Variants in LMAN1L observed in about 807,000 individuals in gnomAD.
LMAN1L encodes lectin, mannose binding 1 like.
In LMAN1L, 60 loss-of-function variants were observed where a neutral mutation model predicts 58.3. The observed-to-expected ratio is 1.03, with a 90% CI of 0.84 to 1.27. The LOEUF (loss-of-function observed/expected upper bound fraction) is 1.27, where lower values mean the gene tolerates loss of function less well. Among genes scored for constraint, LMAN1L ranks in the 50% most tolerant of loss-of-function variants. The pLI is 0.00. For missense variants in LMAN1L, 629 were observed against 674.0 expected (o/e 0.93, Z 0.74); for synonymous variants, 280 against 271.6 (o/e 1.03, Z -0.31).
chr15:74,813,427 G>A (rs548046418), intron 1 of LMAN1L: 14 of 460,120 alleles, frequency 3.0e-5, no homozygotes, highest in African/African-American at 2.8e-4. Flanking sequence ...CAGCGGGCCT[G>A]TGGCTGGCCA....
intron 4 of LMAN1L, 66 bp from the exon 5 acceptor site, chr15:74,818,652 C>A: frequency 8.2e-7 from 1 of 1,217,088 alleles, no homozygotes; most frequent in Non-Finnish European, 1.2e-6. Flanking sequence ...CACAACTGCA[C>A]CACTGCACTC....
Position 74,825,648 on chromosome 15 carries a change from G to T in LMAN1L, c.*43G>T. Reference sequence around the variant, plus strand: ...TTTGCATCACTGGGAAGCAGGCAGTGTCTTGGGTGGGGGCTTGGTCAGTAT... The same window carrying T: ...TTTGCATCACTGGGAAGCAGGCAGTTTCTTGGGTGGGGGCTTGGTCAGTAT... On this transcript the variant is annotated 3_prime_UTR_variant, in exon 14 of 14. Coordinates refer to ENST00000309664, the MANE Select transcript of LMAN1L (RefSeq NM_021819.3). 6.3e-7 allele frequency: 1 copy of T among 1,585,978 alleles called. No homozygotes were observed.
At chr15:74,816,761 G>C in intron 4 of LMAN1L, 71 bp downstream of exon 4, 2 of 1,448,258 alleles carry the variant, frequency 1.4e-6, no homozygotes. Flanking sequence ...CCCCATCCGA[G>C]CCCCTGCCCC....
chr15:74,822,441 T>C (rs1297681451), intron 10 of LMAN1L, among the ~76,000 whole-genome samples: 2 of 152,052 alleles, frequency 1.3e-5, no homozygotes, highest in African/African-American at 2.4e-5. Flanking sequence ...CAACCACCCC[T>C]GGGGAGAGGG....
intron 7 of LMAN1L, chr15:74,820,340 T>C: frequency 1.6e-6 from 1 of 614,310 alleles, no homozygotes; most frequent in South Asian, 1.9e-5. Context: ...TCTCAAAAGG[T>C]GCAGGGGGCT....
In LMAN1L at chr15:74,825,733, C is replaced by A; in HGVS notation, c.*128C>A. The A allele has an allele frequency of 2.3e-6, 2 of 862,306 alleles. No homozygotes were observed. Among genetic ancestry groups the A allele is most frequent in the South Asian group, 1.7e-5 (1 of 59,382 alleles). The allele number at this position is 862,306 out of a possible 1,614,324, so 53.4% of individuals were successfully genotyped here. The stretch of plus-strand genomic sequence containing the variant: ...CTGAGCTTTCGGCATGCTCCCACCT[C>A]GTTAAAGGTGATTTCCCTCTCCCCA... On this transcript the variant is annotated 3_prime_UTR_variant, in exon 14 of 14. Transcript: ENST00000309664.
At position 74,812,859 on chromosome 15, in the gene LMAN1L, C is replaced by T. The variant is rs149573476; in HGVS notation, c.5C>T (p.Pro2Leu). Residue 2 changes from proline to leucine, a missense_variant, in exon 1 of 14, where the codon CCG becomes CTG. Around this residue, in one of 3 missense-constraint regions of LMAN1L, gnomAD observed 573 missense variants for 597.3 expected, o/e 0.96. Transcript: ENST00000309664. M[P>L]AVSGPGPLFC... ...CAGACTTCAGGCGCCTTCACGATGC[C>T]GGCGGTCAGTGGTCCAGGTCCCTTA... The T allele has an allele frequency of 2.9e-5, 47 of 1,595,340 alleles. No homozygotes were observed. Among genetic ancestry groups the T allele is most frequent in the African/African-American group, 4.0e-5 (3 of 74,356 alleles).
intron 10 of LMAN1L, 55 bp downstream of exon 10, chr15:74,821,955 T>C: frequency 7.9e-7 from 1 of 1,259,708 alleles, no homozygotes; most frequent in South Asian, 1.2e-5. Context: ...TGGCTGGTGC[T>C]CTGGGAGAAC....
chr15:74,823,965 G>C lies in LMAN1L; in HGVS notation c.1323+283G>C. 2 of 516,976 alleles carry C rather than the reference G, an allele frequency of 3.9e-6. 1 individual carries two copies. The highest frequency in any genetic ancestry group is 5.1e-5 in the South Asian group (2 of 39,494). The allele number at this position is 516,976 out of a possible 1,614,324, so 32.0% of individuals were successfully genotyped here. A position where few individuals can be genotyped will look rare whatever the true frequency, so the allele number is the denominator to read the frequency against. ...CTCGATCCAATATCCAATGACCAGA[G>C]GGGAAACAGGGTGGGCTGTGTCCAA... On this transcript the variant is annotated intron_variant, in intron 12 of 13. Coordinates refer to ENST00000309664, the MANE Select transcript of LMAN1L (RefSeq NM_021819.3).
At position 74,819,214 on chromosome 15, in the gene LMAN1L, C is replaced by G. The variant is rs778706901; in HGVS notation, c.660C>G (p.Pro220=). 2.8e-5 allele frequency: 46 copies of G among 1,614,064 alleles called. No individual in the cohort carries two copies. The highest frequency in any genetic ancestry group is 3.7e-5 in the Non-Finnish European group (44 of 1,180,032). Residue 220 remains proline (P), a synonymous_variant, in exon 6 of 14, where the codon CCC becomes CCG. Transcript: ENST00000309664. The part of the protein sequence containing the change: ...DPGEFCVDVG[P]LLLVPGGFFG... ...GTGAGTTCTGTGTGGATGTGGGGCCCCTGCTTTTGGTCCCTGGAGGTTTCT... is the reference window on the plus strand; with the variant it reads ...GTGAGTTCTGTGTGGATGTGGGGCCGCTGCTTTTGGTCCCTGGAGGTTTCT...
intron 4 of LMAN1L, among the ~76,000 whole-genome samples, chr15:74,816,936 C>T (rs1262104155): frequency 6.6e-6 from 1 of 152,204 alleles, no homozygotes; most frequent in African/African-American, 2.4e-5. Flanking sequence ...CCCATGATCT[C>T]ATCCCATCTC....
intron 7 of LMAN1L, 82 bp from the exon 8 acceptor site, chr15:74,820,553 G>T: frequency 6.3e-7 from 1 of 1,575,054 alleles, no homozygotes; most frequent in Non-Finnish European, 8.7e-7. Flanking sequence ...GGCTGGGCTC[G>T]TGGGGAAGCC....
chr15:74,816,952 C>A (rs2063894457), intron 4 of LMAN1L, among the ~76,000 whole-genome samples: 1 of 152,206 alleles, frequency 6.6e-6, no homozygotes. Flanking sequence ...ATCTCCAACA[C>A]CCTCCATAAG....
intron 1 of LMAN1L, among the ~76,000 whole-genome samples, chr15:74,815,103 A>G (rs1370754690): frequency 6.6e-6 from 1 of 152,186 alleles, no homozygotes; most frequent in Non-Finnish European, 1.5e-5. Flanking sequence ...CCCAGCCCAG[A>G]GATACCAGGC....
intron 1 of LMAN1L, 181 bp downstream of exon 1, chr15:74,813,210 AC>A (rs2063873808): frequency 7.4e-6 from 5 of 674,256 alleles, no homozygotes; most frequent in Admixed American, 2.2e-5. Context: ...CCGCCTCAAC[AC>A]CCCCCACCCC....
rs989476892 is a variant in LMAN1L at position 74,824,232 on chromosome 15, G to A, written c.1324-119G>A. 4.4e-5 allele frequency: 41 copies of A among 941,350 alleles called. No individual in the cohort carries two copies. In the African/African-American group the frequency reaches 6.1e-4, roughly 14 times the overall value. The allele number at this position is 941,350 out of a possible 1,614,324, so 58.3% of individuals were successfully genotyped here. A position where few individuals can be genotyped will look rare whatever the true frequency, so the allele number is the denominator to read the frequency against. On this transcript the variant is annotated intron_variant, in intron 12 of 13. Coordinates refer to ENST00000309664, the MANE Select transcript of LMAN1L (RefSeq NM_021819.3). ...CCCCCTCTCCAAGTTCCCTGGATGA[G>A]AGCCAGGACGCCCCAAGCCTGGGGA...
chr15:74,814,378 G>GTTTTTTT (rs569247875), intron 1 of LMAN1L, among the ~76,000 whole-genome samples: 1 of 110,578 alleles, frequency 9.0e-6, no homozygotes, highest in East Asian at 2.8e-4. Flanking sequence ...TTTTGTTTTT[G>GTTTTTTT]TTTTTTTTTT....
intron 12 of LMAN1L, 150 bp downstream of exon 12, chr15:74,823,832 T>A: frequency 1.2e-6 from 1 of 805,472 alleles, no homozygotes; most frequent in Non-Finnish European, 1.9e-6. Context: ...CCTGCGTCAG[T>A]GTCTGTGTGT....
intron 11 of LMAN1L, among the ~76,000 whole-genome samples, chr15:74,822,998 A>G (rs961736741): frequency 6.6e-6 from 1 of 152,196 alleles, no homozygotes; most frequent in African/African-American, 2.4e-5. Context: ...CATTCCTTCA[A>G]TGGCAGCTCC....
Sources: gnomAD v4.1 joint callset for allele counts (sites outside exome capture counted in the v4.1 genomes callset) on GRCh38, gnomAD v4.1.1 for gene constraint, gnomAD v4.1.1 regional missense constraint, MANE v1.5 for transcripts, NCBI Gene and HGNC (gene_info 2026-07-23, HGNC 2026-07-21) for gene names.